The following LY96 variants were observed in gnomAD, a reference collection of about 807,000 sequenced individuals.
The protein encoded by LY96 is myeloid differentiation protein-2.
In LY96, 18 loss-of-function variants were observed where a neutral mutation model predicts 18.9. The observed-to-expected ratio is 0.95, with a 90% CI of 0.66 to 1.41. The LOEUF is 1.41. LY96 is among the 40% of genes most tolerant of loss of function. The probability of loss-of-function intolerance (pLI) is 0.00; values close to 1 mark genes in which losing one functional copy is unlikely to be tolerated. For missense variants in LY96, 175 were observed against 182.4 expected (o/e 0.96, Z 0.23); for synonymous variants, 66 against 62.6 (o/e 1.06, Z -0.26).
intron 1 of LY96, among the ~76,000 whole-genome samples, chr8:74,001,184 C>T (rs1047871975): frequency 3.3e-5 from 5 of 151,442 alleles, no homozygotes; most frequent in Non-Finnish European, 7.4e-5. Context: ...AGTTGGAGAC[C>T]AGTCTGGGCA....
the LY96 span, among the ~76,000 whole-genome samples, chr8:74,049,762 G>A: frequency 6.6e-6 from 1 of 152,166 alleles, no homozygotes; most frequent in South Asian, 2.1e-4. Flanking sequence ...TTAGAATCTA[G>A]CAGGATGGTA....
chr8:74,057,256 G>A, the LY96 span, among the ~76,000 whole-genome samples: 1 of 152,166 alleles, frequency 6.6e-6, no homozygotes, highest in Non-Finnish European at 1.5e-5. Context: ...CTAAGGCTAT[G>A]TTGGGAAGTG....
At chr8:74,032,456 CCTGTT>C (rs1447467987), downstream of LY96, among the ~76,000 whole-genome samples, 1 of 152,242 alleles carries the variant, frequency 6.6e-6, no homozygotes, top group Non-Finnish European at 1.5e-5. Flanking sequence ...AAATCCCTGT[CCTGTT>C]CTGTTCTGAT....
the LY96 span, among the ~76,000 whole-genome samples, chr8:74,071,176 A>G: frequency 6.6e-6 from 1 of 152,058 alleles, no homozygotes; most frequent in Admixed American, 6.6e-5. Context: ...GATGCTATTC[A>G]GTTGCTCAGA....
the LY96 span, among the ~76,000 whole-genome samples, chr8:74,061,628 A>G: frequency 6.6e-6 from 1 of 152,232 alleles, no homozygotes; most frequent in Non-Finnish European, 1.5e-5. Context: ...TTAATGTCTC[A>G]CCACAAAAAG....
At chr8:74,080,484 A>G in the LY96 span, among the ~76,000 whole-genome samples, 1 of 152,218 alleles carries the variant, frequency 6.6e-6, no homozygotes, top group African/African-American at 2.4e-5. Flanking sequence ...GGCCAAGTGC[A>G]TGCCCTGAGA....
the LY96 span, among the ~76,000 whole-genome samples, chr8:74,077,136 T>C: frequency 1.3e-5 from 2 of 152,206 alleles, no homozygotes; most frequent in Admixed American, 6.5e-5. Flanking sequence ...GGTTCGTGGC[T>C]CTTCTCTTCT....
chr8:74,004,075 G>C (rs1192972905), intron 1 of LY96, among the ~76,000 whole-genome samples: 2 of 152,194 alleles, frequency 1.3e-5, no homozygotes, highest in Non-Finnish European at 2.9e-5. Flanking sequence ...AGACCTGTCA[G>C]AACTCTAGGA....
At chr8:74,040,285 C>T in the LY96 span, among the ~76,000 whole-genome samples, 1 of 152,164 alleles carries the variant, frequency 6.6e-6, no homozygotes, top group Non-Finnish European at 1.5e-5. Context: ...CTTTATTATA[C>T]TGAAACAGTT....
At chr8:74,054,016 C>T in the LY96 span, among the ~76,000 whole-genome samples, 1 of 152,270 alleles carries the variant, frequency 6.6e-6, no homozygotes, top group Non-Finnish European at 1.5e-5. Context: ...GAATTGTTAG[C>T]TAAATAAACT....
At chr8:74,079,296 G>C in the LY96 span, among the ~76,000 whole-genome samples, 2 of 152,204 alleles carry the variant, frequency 1.3e-5, no homozygotes, top group Admixed American at 6.5e-5. Context: ...CAGATTGTGA[G>C]ACTTCTCAGC....
At chr8:74,016,118 C>G (rs1563716862) in intron 3 of LY96, among the ~76,000 whole-genome samples, 1 of 152,230 alleles carries the variant, frequency 6.6e-6, no homozygotes, top group African/African-American at 2.4e-5. Flanking sequence ...CCAAAGGAAG[C>G]TGTGACAGAC....
At chr8:73,993,510 T>A (rs1358404836) in intron 1 of LY96, among the ~76,000 whole-genome samples, 1 of 152,136 alleles carries the variant, frequency 6.6e-6, no homozygotes, top group Non-Finnish European at 1.5e-5. Flanking sequence ...TGGCATGATC[T>A]TGGCTCACTG....
intron 4 of LY96, 23 bp from the exon 5 acceptor site, chr8:74,028,933 G>A: frequency 7.1e-7 from 1 of 1,403,088 alleles, no homozygotes; most frequent in East Asian, 2.3e-5. Context: ...TGTATTACTT[G>A]TATTTCTTAT....
chr8:74,043,084 C>T, the LY96 span, among the ~76,000 whole-genome samples: 77 of 152,124 alleles, frequency 5.1e-4, no homozygotes, highest in Non-Finnish European at 6.5e-4. Context: ...CGGTTTGTTA[C>T]CTTTTGAAGA....
chr8:73,993,201 G>A (rs1816047071), intron 1 of LY96, among the ~76,000 whole-genome samples: 1 of 151,916 alleles, frequency 6.6e-6, no homozygotes, highest in Non-Finnish European at 1.5e-5. Flanking sequence ...GTAACATTTT[G>A]TATTATTATT....
chr8:74,031,561 G>A (rs1172614052), downstream of LY96, among the ~76,000 whole-genome samples: 1 of 151,732 alleles, frequency 6.6e-6, no homozygotes, highest in Non-Finnish European at 1.5e-5. Flanking sequence ...GAACCCAGGA[G>A]GCGGAGGTTG....
the LY96 span, among the ~76,000 whole-genome samples, chr8:74,084,660 C>T: frequency 2.7e-4 from 41 of 152,168 alleles, no homozygotes; most frequent in Non-Finnish European, 5.3e-4. Flanking sequence ...GTTGCCCAGG[C>T]TGGAGTACAG....
the LY96 span, among the ~76,000 whole-genome samples, chr8:74,071,497 T>C: frequency 3.9e-5 from 6 of 152,076 alleles, no homozygotes; most frequent in African/African-American, 1.4e-4. Context: ...ATTGATAATA[T>C]ACATGAGATT....
Sources: gnomAD v4.1 joint callset for allele counts (sites outside exome capture counted in the v4.1 genomes callset) on GRCh38, gnomAD v4.1.1 for gene constraint, MANE v1.5 for transcripts, NCBI Gene and HGNC (gene_info 2026-07-23, HGNC 2026-07-21) for gene names.